The following DNM3 variants were observed in gnomAD, a reference collection of about 807,000 sequenced individuals.
DNM3 encodes the protein dynamin 3, also known as dynamin-3.
Under a neutral mutation model 101.6 loss-of-function variants are expected in DNM3, and 47 were observed. That is an observed-to-expected ratio of 0.46 (90% confidence interval 0.37 to 0.59). The LOEUF (loss-of-function observed/expected upper bound fraction) is 0.59. Among genes scored for constraint, DNM3 ranks in the 20% least tolerant of loss-of-function variants. The pLI, the probability that DNM3 is intolerant of heterozygous loss-of-function variation, is 0.00. For synonymous variants in DNM3, 385 were observed against 387.9 expected, an observed-to-expected ratio of 0.99 and a Z score of 0.09; for missense variants, 849 against 1,085.7, an observed-to-expected ratio of 0.78 and a Z score of 3.06.
At chr1:172,005,074 A>G (rs2046594975) in intron 4 of DNM3, among the ~76,000 whole-genome samples, 1 of 151,972 alleles carries the variant, frequency 6.6e-6, no homozygotes, top group South Asian at 2.1e-4. Flanking sequence ...TAATAGCACC[A>G]CTCTGGAGCC....
intron 4 of DNM3, among the ~76,000 whole-genome samples, chr1:172,020,068 G>A (rs1256551706): frequency 6.6e-6 from 1 of 152,036 alleles, no homozygotes; most frequent in Admixed American, 6.6e-5. Context: ...GGCAGACTGG[G>A]TGCTATATGA....
chr1:171,949,758 T>G (rs934171694), intron 2 of DNM3, among the ~76,000 whole-genome samples: 3 of 152,064 alleles, frequency 2.0e-5, no homozygotes, highest in Non-Finnish European at 4.4e-5. Context: ...ATGTCTAAAA[T>G]TAAAAAGACT....
At chr1:172,218,202 G>A (rs1032231822) in intron 14 of DNM3, among the ~76,000 whole-genome samples, 11 of 152,110 alleles carry the variant, frequency 7.2e-5, no homozygotes, top group South Asian at 2.1e-4. Flanking sequence ...AGTAAAAGAA[G>A]AACACTGGCA....
At chr1:172,246,485 T>A (rs767316404) in intron 14 of DNM3, among the ~76,000 whole-genome samples, 2 of 151,720 alleles carry the variant, frequency 1.3e-5, no homozygotes, top group African/African-American at 2.4e-5. Context: ...TAGAAAAAAA[T>A]GTAAATTAAG....
chr1:172,235,228 C>A (rs747315295), intron 14 of DNM3, among the ~76,000 whole-genome samples: 1 of 152,124 alleles, frequency 6.6e-6, no homozygotes, highest in East Asian at 1.9e-4. Flanking sequence ...TTTATGCAGC[C>A]GAAAGACACG....
intron 1 of DNM3, among the ~76,000 whole-genome samples, chr1:171,873,173 A>G (rs970606006): frequency 7.9e-5 from 12 of 152,316 alleles, no homozygotes; most frequent in Non-Finnish European, 1.8e-4. Flanking sequence ...AAGTTGTCCA[A>G]TCTCTATAAG....
intron 15 of DNM3, among the ~76,000 whole-genome samples, chr1:172,265,816 G>A (rs1337578935): frequency 1.3e-5 from 2 of 152,176 alleles, no homozygotes; most frequent in Non-Finnish European, 2.9e-5. Context: ...GTAGCCAACA[G>A]AGAACTGTTT....
chr1:172,170,259 C>T (rs2058905052), intron 14 of DNM3, among the ~76,000 whole-genome samples: 1 of 151,910 alleles, frequency 6.6e-6, no homozygotes, highest in Non-Finnish European at 1.5e-5. Flanking sequence ...TTAATATTCC[C>T]ATTTAGTAGA....
chr1:172,367,214 GA>G (rs375481693), intron 17 of DNM3, among the ~76,000 whole-genome samples: 437 of 146,060 alleles, frequency 3.0e-3, no homozygotes, highest in Middle Eastern at 7.1e-3. Context: ...AGCACTGAAA[GA>G]AAAAAAAAAG....
intron 14 of DNM3, among the ~76,000 whole-genome samples, chr1:172,191,497 G>T (rs1393069032): frequency 6.6e-6 from 1 of 152,062 alleles, no homozygotes; most frequent in Non-Finnish European, 1.5e-5. Flanking sequence ...TTGGCAATGC[G>T]GGCTTTTTTT....
chr1:172,043,301 C>T (rs963843155), intron 8 of DNM3, among the ~76,000 whole-genome samples: 3 of 152,042 alleles, frequency 2.0e-5, no homozygotes, highest in Admixed American at 1.3e-4. Context: ...GGAGGAAAAC[C>T]TCTGTTTGTA....
At chr1:171,976,239 C>T (rs999628076) in intron 2 of DNM3, among the ~76,000 whole-genome samples, 29 of 152,140 alleles carry the variant, frequency 1.9e-4, no homozygotes, top group African/African-American at 6.5e-4. Context: ...TGGCTGTTTC[C>T]AGCTGCTAAC....
At chr1:172,289,435 T>C in intron 15 of DNM3, 1 of 391,050 alleles carries the variant, frequency 2.6e-6, no homozygotes, top group Non-Finnish European at 3.5e-6. Flanking sequence ...ATTTAATCTT[T>C]TGTCTGTTAA....
intron 12 of DNM3, among the ~76,000 whole-genome samples, chr1:172,084,795 G>A (rs1229912034): frequency 6.6e-6 from 1 of 152,046 alleles, no homozygotes; most frequent in Non-Finnish European, 1.5e-5. Flanking sequence ...TTAGAGAGTT[G>A]CCAAAAGGGA....
chr1:172,362,637 A>C (rs1295558835), intron 17 of DNM3, among the ~76,000 whole-genome samples: 1 of 151,908 alleles, frequency 6.6e-6, no homozygotes, highest in Non-Finnish European at 1.5e-5. Flanking sequence ...TCTTTGACCC[A>C]ACCCTGGTAT....
At chr1:172,295,250 A>C (rs988699340) in intron 15 of DNM3, among the ~76,000 whole-genome samples, 8 of 152,222 alleles carry the variant, frequency 5.3e-5, no homozygotes, top group Non-Finnish European at 1.2e-4. Context: ...CTATAAGGCC[A>C]ACTCAAAAAA....
Position 172,412,702 on chromosome 1 carries a change from T to C in DNM3, c.*4861T>C. 1.0e-6 allele frequency: 1 copy of C among 985,726 alleles called. No homozygotes were observed. Among genetic ancestry groups the C allele is most frequent in the East Asian group, 1.1e-4 (1 of 8,818 alleles). The allele number at this position is 985,726 out of a possible 1,614,324, so 61.1% of individuals were successfully genotyped here. A position where few individuals can be genotyped will look rare whatever the true frequency, so the allele number is the denominator to read the frequency against. The stretch of plus-strand genomic sequence containing the variant: ...CTGTATTTCTGAAGCTGAAATAAAT[T>C]ATAACATTTGAAGGACCCCTTTTCC... On this transcript the variant is annotated 3_prime_UTR_variant, in exon 21 of 21. Coordinates refer to ENST00000627582, the MANE Select transcript of DNM3 (RefSeq NM_015569.5).
At chr1:172,192,086 A>G (rs1249541350) in intron 14 of DNM3, among the ~76,000 whole-genome samples, 1 of 152,124 alleles carries the variant, frequency 6.6e-6, no homozygotes, top group Non-Finnish European at 1.5e-5. Flanking sequence ...TTTCAAAAGG[A>G]ATGCTTCCAG....
At chr1:172,273,554 G>C (rs2063162889) in intron 15 of DNM3, among the ~76,000 whole-genome samples, 4 of 152,048 alleles carry the variant, frequency 2.6e-5, no homozygotes, top group Admixed American at 2.0e-4. Flanking sequence ...GGTTAACAAA[G>C]ATTATAGCAA....
Sources: gnomAD v4.1 joint callset for allele counts (sites outside exome capture counted in the v4.1 genomes callset) on GRCh38, gnomAD v4.1.1 for gene constraint, MANE v1.5 for transcripts, NCBI Gene and HGNC (gene_info 2026-07-23, HGNC 2026-07-21) for gene names.